Variants in STXBP4 observed in about 807,000 individuals in gnomAD.
The protein encoded by STXBP4 is syntaxin binding protein 4, also known as syntaxin-binding protein 4.
STXBP4 carries 55 observed loss-of-function variants against 76.1 expected under a neutral mutation model. That is an observed-to-expected ratio of 0.72 (90% CI 0.58 to 0.91). The LOEUF (loss-of-function observed/expected upper bound fraction) is 0.91. Among genes scored for constraint, STXBP4 ranks in the 40% least tolerant of loss-of-function variants. STXBP4 has a pLI of 0.00. For missense variants in STXBP4, 618 were observed against 636.9 expected (o/e 0.97, Z 0.32); for synonymous variants, 201 against 220.2 (o/e 0.91, Z 0.77).
chr17:55,048,216 T>C (rs772003946), intron 12 of STXBP4, among the ~76,000 whole-genome samples: 8 of 151,736 alleles, frequency 5.3e-5, no homozygotes, highest in South Asian at 2.1e-4. Context: ...TTCGCAATGA[T>C]AGGAAAGAAG....
At chr17:55,053,897 G>A (rs2078892476) in intron 12 of STXBP4, among the ~76,000 whole-genome samples, 1 of 151,928 alleles carries the variant, frequency 6.6e-6, no homozygotes, top group African/African-American at 2.4e-5. Context: ...TAAAGGCTTG[G>A]AATATATAAA....
downstream of STXBP4, among the ~76,000 whole-genome samples, chr17:55,174,529 T>A (rs2080421826): frequency 6.6e-6 from 1 of 152,256 alleles, no homozygotes; most frequent in South Asian, 2.1e-4. Context: ...CCCATTTTTT[T>A]AAACTGGGTT....
intron 2 of STXBP4, among the ~76,000 whole-genome samples, chr17:54,985,906 A>G (rs535161433): frequency 2.6e-5 from 4 of 152,284 alleles, no homozygotes; most frequent in Admixed American, 2.0e-4. Context: ...ATAGATATGG[A>G]TATTCATAAT....
At chr17:55,055,892 A>T (rs1369796010) in intron 12 of STXBP4, among the ~76,000 whole-genome samples, 1 of 152,114 alleles carries the variant, frequency 6.6e-6, no homozygotes, top group South Asian at 2.1e-4. Flanking sequence ...GTGTCCCCCA[A>T]CTGGAGGGTA....
At chr17:54,976,396 A>C (rs1239577999) in intron 1 of STXBP4, among the ~76,000 whole-genome samples, 3 of 152,212 alleles carry the variant, frequency 2.0e-5, no homozygotes, top group African/African-American at 7.2e-5. Context: ...TCCCATTGTT[A>C]AAACTTGAGA....
chr17:55,006,541 C>T (rs926933792), intron 7 of STXBP4, among the ~76,000 whole-genome samples: 6 of 152,152 alleles, frequency 3.9e-5, no homozygotes, highest in Admixed American at 2.0e-4. Context: ...CATATTAAAA[C>T]GTACAGTATT....
At chr17:55,138,012 GC>G (rs1364936967) in intron 16 of STXBP4, among the ~76,000 whole-genome samples, 4 of 151,982 alleles carry the variant, frequency 2.6e-5, no homozygotes, top group African/African-American at 9.7e-5. Context: ...TGTGTTTCAT[GC>G]CCTACATGTT....
At chr17:55,123,464 A>G (rs1402647881) in intron 16 of STXBP4, among the ~76,000 whole-genome samples, 1 of 152,208 alleles carries the variant, frequency 6.6e-6, no homozygotes, top group African/African-American at 2.4e-5. Flanking sequence ...CTTGTTATAT[A>G]GGTTTCTTTA....
chr17:54,980,732 G>A (rs376278599), intron 1 of STXBP4, among the ~76,000 whole-genome samples: 4 of 152,162 alleles, frequency 2.6e-5, no homozygotes, highest in East Asian at 3.8e-4. Context: ...TCAGTTCTAG[G>A]AAGTCAGCAC....
chr17:55,152,270 A>G (rs2080225263), intron 17 of STXBP4, among the ~76,000 whole-genome samples: 3 of 152,130 alleles, frequency 2.0e-5, no homozygotes, highest in Admixed American at 2.0e-4. Flanking sequence ...ACACTTCCCT[A>G]CCCTCCAGAA....
At chr17:55,067,799 A>G (rs1292090852) in intron 12 of STXBP4, among the ~76,000 whole-genome samples, 1 of 152,160 alleles carries the variant, frequency 6.6e-6, no homozygotes, top group Non-Finnish European at 1.5e-5. Flanking sequence ...TACAGTGGTT[A>G]GAATGGAAAT....
At chr17:55,105,563 G>A (rs2079623889) in intron 16 of STXBP4, among the ~76,000 whole-genome samples, 1 of 150,964 alleles carries the variant, frequency 6.6e-6, no homozygotes, top group African/African-American at 2.4e-5. Context: ...TGCCTTCCGG[G>A]TTCATACACC....
chr17:55,060,815 CGACTTCCTTT>C (rs1567743243), intron 12 of STXBP4, among the ~76,000 whole-genome samples: 1 of 152,168 alleles, frequency 6.6e-6, no homozygotes. Flanking sequence ...CCACTCTTAG[CGACTTCCTTT>C]GATCAACAGC....
intron 17 of STXBP4, among the ~76,000 whole-genome samples, chr17:55,143,025 A>G (rs2080111696): frequency 6.6e-6 from 1 of 152,176 alleles, no homozygotes; most frequent in Non-Finnish European, 1.5e-5. Flanking sequence ...TCTGTGTTGC[A>G]TTTCTTTCTT....
In STXBP4 at chr17:55,162,822, A is replaced by C. The variant is rs951323926; in HGVS notation, c.*2911A>C. The C allele has an allele frequency of 6.6e-6, 1 of 152,234 alleles. No individual in the cohort carries two copies. The highest frequency in any genetic ancestry group is 2.4e-5 in the African/African-American group (1 of 41,464). 9.4% of individuals were successfully genotyped at this position (152,234 alleles called of 1,614,324 possible). Reference sequence around the variant, plus strand: ...CATGTTATGTTGTGGTCATCTTTTCATGTCAATACATAGATTAATCTTTTA... The same window carrying C: ...CATGTTATGTTGTGGTCATCTTTTCCTGTCAATACATAGATTAATCTTTTA... On this transcript the variant is annotated 3_prime_UTR_variant, in exon 18 of 18. Transcript: ENST00000376352.
intron 12 of STXBP4, among the ~76,000 whole-genome samples, chr17:55,058,324 T>C: frequency 6.6e-6 from 1 of 152,324 alleles, no homozygotes; most frequent in East Asian, 1.9e-4. Context: ...GCTTTTTTCA[T>C]ATGTTTCTTG....
the STXBP4 span, among the ~76,000 whole-genome samples, chr17:55,178,970 A>G: frequency 3.3e-5 from 5 of 152,244 alleles, no homozygotes; most frequent in African/African-American, 1.2e-4. Flanking sequence ...TTAATAGGAT[A>G]TCTGGGCACT....
chr17:55,096,536 C>T (rs535159555), intron 16 of STXBP4, among the ~76,000 whole-genome samples: 4 of 151,686 alleles, frequency 2.6e-5, no homozygotes, highest in African/African-American at 9.7e-5. Flanking sequence ...AGATATCTCC[C>T]TCATTGATAA....
intron 16 of STXBP4, among the ~76,000 whole-genome samples, chr17:55,083,167 G>A (rs529175440): frequency 7.7e-4 from 117 of 152,010 alleles, no homozygotes; most frequent in African/African-American, 2.6e-3. Flanking sequence ...TAGAGACAGG[G>A]TCTCTCCATG....
Sources: allele counts gnomAD v4.1 joint callset (sites outside exome capture counted in the v4.1 genomes callset), GRCh38; gene constraint gnomAD v4.1.1; transcripts MANE v1.5; gene names NCBI Gene and HGNC (gene_info 2026-07-23, HGNC 2026-07-21).